MCM3AP: variants seen among roughly 807,000 people sequenced by gnomAD.
MCM3AP encodes the protein minichromosome maintenance complex component 3 associated protein.
A neutral mutation model predicts 184.1 loss-of-function variants in MCM3AP; 126 were observed. That is an observed-to-expected ratio of 0.68 (90% CI 0.59 to 0.79). The LOEUF is 0.79. MCM3AP is among the 30% of genes least tolerant of loss of function. MCM3AP has a pLI of 0.00. For synonymous variants in MCM3AP, 1,002 were observed against 979.3 expected (o/e 1.02, Z -0.43); for missense variants, 2,496 against 2,479.2 (o/e 1.01, Z -0.14).
At chr21:46,257,878 T>TTGCGCCAC (rs1480468122) in intron 16 of MCM3AP, among the ~76,000 whole-genome samples, 1 of 150,780 alleles carries the variant, frequency 6.6e-6, no homozygotes, top group Non-Finnish European at 1.5e-5. Flanking sequence ...TGAGCTGTGA[T>TTGCGCCAC]TGCGCCACTG....
At chr21:46,282,729 C>T (rs1483236810) in intron 2 of MCM3AP, among the ~76,000 whole-genome samples, 2 of 151,140 alleles carry the variant, frequency 1.3e-5, no homozygotes, top group African/African-American at 4.9e-5. Flanking sequence ...GGCGTGAACC[C>T]GGGAAGTGGA....
chr21:46,284,626 C>T lies in MCM3AP; in HGVS notation c.661G>A (p.Ala221Thr). The change falls in exon 1 of 28, where the codon GCC becomes ACC. Residue 221 changes from alanine (A) to threonine (T), a missense_variant. Ala to Thr is a moderately conservative substitution (Grantham distance 58). Transcript: ENST00000291688. Reference protein sequence around the residue: ...KPVSSNNSLSAFTPALSNQNV... With the variant: ...KPVSSNNSLSTFTPALSNQNV... ...TGGTTTGACAAAGCAGGGGTAAAGG[C>T]AGATAATGAATTATTACTACTAACA... 6.2e-7 allele frequency: 1 copy of T among 1,614,164 alleles called. No homozygotes were observed. Among genetic ancestry groups the T allele is most frequent in the African/African-American group, 1.3e-5 (1 of 75,034 alleles).
chr21:46,265,272 C>T (rs375475676), intron 12 of MCM3AP, 49 bp downstream of exon 12: 14 of 1,567,980 alleles, frequency 8.9e-6, no homozygotes, highest in Admixed American at 6.8e-5. Context: ...AGGACGTTTG[C>T]GCACAATGGG....
intron 26 of MCM3AP, among the ~76,000 whole-genome samples, chr21:46,239,208 C>T (rs1171331943): frequency 6.6e-6 from 1 of 152,208 alleles, no homozygotes; most frequent in East Asian, 1.9e-4. Context: ...GGGCCCTGGC[C>T]ACCCCTGCAA....
intron 17 of MCM3AP, among the ~76,000 whole-genome samples, chr21:46,255,980 G>A (rs567739165): frequency 9.0e-4 from 137 of 152,296 alleles, no homozygotes; most frequent in Middle Eastern, 3.4e-3. Context: ...CACTGCCGGC[G>A]CAGAACCTGA....
intron 20 of MCM3AP, among the ~76,000 whole-genome samples, chr21:46,247,859 G>A (rs2080801839): frequency 6.6e-6 from 1 of 151,848 alleles, no homozygotes; most frequent in Non-Finnish European, 1.5e-5. Context: ...CAGCACTTGG[G>A]GAGGCCAAGG....
chr21:46,241,610 G>C (rs1234441465), intron 25 of MCM3AP: 1 of 152,894 alleles, frequency 6.5e-6, no homozygotes, highest in Non-Finnish European at 1.5e-5. Flanking sequence ...GAGCTTTACT[G>C]TATGTCTTGG....
intron 23 of MCM3AP, 108 bp from the exon 24 acceptor site, chr21:46,243,830 T>TGTGTTTAGAAAGCAGAC: frequency 8.6e-7 from 1 of 1,159,680 alleles, no homozygotes; most frequent in Non-Finnish European, 1.2e-6. Context: ...AGAAGTCTGC[T>TGTGTTTAGAAAGCAGAC]TTCTAAACAC....
At chr21:46,280,830 G>C (rs1012604559) in intron 2 of MCM3AP, among the ~76,000 whole-genome samples, 3 of 150,146 alleles carry the variant, frequency 2.0e-5, no homozygotes, top group African/African-American at 7.3e-5. Context: ...TTTTGAGACA[G>C]AGTCTCGCTC....
intron 17 of MCM3AP, 66 bp from the exon 18 acceptor site, chr21:46,254,910 C>T: frequency 8.6e-7 from 1 of 1,169,384 alleles, no homozygotes; most frequent in South Asian, 1.2e-5. Flanking sequence ...GCTAGTGTCC[C>T]CTGGGGAATA....
At position 46,284,383 on chromosome 21, in the gene MCM3AP, T is replaced by G; in HGVS notation, c.904A>C (p.Arg302=). 1 of 1,614,194 alleles carries G rather than the reference T, an allele frequency of 6.2e-7. No individual in the cohort carries two copies. The highest frequency in any genetic ancestry group is 8.5e-7 in the Non-Finnish European group (1 of 1,180,040). The part of the protein sequence containing the change: ...KRKEDQDRSP[R]RHGHEPAEDS... ...TCTGCTGGCTCGTGGCCATGTCTCC[T>G]TGGGGAGCGATCCTGGTCCTCCTTC... Residue 302 remains arginine (R), a synonymous_variant, in exon 1 of 28, where the codon AGG becomes CGG. Coordinates refer to ENST00000291688, the MANE Select transcript of MCM3AP (RefSeq NM_003906.5).
chr21:46,253,092 T>C (rs1039466903), intron 19 of MCM3AP: 1 of 152,202 alleles, frequency 6.6e-6, no homozygotes, highest in Non-Finnish European at 1.5e-5. Flanking sequence ...TGAGCTGTTA[T>C]CACACCACTG....
At position 46,245,162 on chromosome 21, in the gene MCM3AP, G is replaced by A. The variant is rs761716731; in HGVS notation, c.4683C>T (p.Cys1561=). Residue 1561 remains cysteine, a synonymous_variant, in exon 23 of 28, where the codon TGC becomes TGT. Coordinates refer to ENST00000291688, the MANE Select transcript of MCM3AP (RefSeq NM_003906.5). The stretch of plus-strand genomic sequence containing the variant: ...GGCAGCAGAGGTCAAGGGAATGGGG[G>A]CAGTGGGAAACCAGCCACTGCACTG... ...LQAVQWLVSH[C]PHSLDLCCQT... is the part of the protein sequence containing the mutation. 1.9e-6 allele frequency: 3 copies of A among 1,613,728 alleles called. No individual in the cohort carries two copies. The highest frequency in any genetic ancestry group is 3.3e-5 in the Admixed American group (2 of 59,944).
chr21:46,266,188 C>G (rs764846899), intron 10 of MCM3AP, 22 bp from the exon 11 acceptor site: 1 of 1,580,730 alleles, frequency 6.3e-7, no homozygotes, highest in Non-Finnish European at 8.6e-7. Context: ...ACAAAAGACC[C>G]CCGAGGGGTG....
chr21:46,243,520 C>T lies in MCM3AP; in HGVS notation c.5241G>A (p.Leu1747=). The part of the protein sequence containing the change: ...MEIPWDDLIA[L]CINHKLRDWT... ...AGTCTCTCAGCTTGTGGTTGATACA[C>T]AAGGCGATAAGATCATCCCATGGGA... The change falls in exon 24 of 28, where the codon TTG becomes TTA. Residue 1747 remains leucine, a synonymous_variant. Coordinates refer to ENST00000291688, the MANE Select transcript of MCM3AP (RefSeq NM_003906.5). The T allele has an allele frequency of 1.2e-6, 2 of 1,614,186 alleles. 1 individual carries two copies. Among genetic ancestry groups the T allele is most frequent in the South Asian group, 2.2e-5 (2 of 91,084 alleles).
Position 46,272,809 on chromosome 21 carries a change from G to A in MCM3AP, c.2217C>T (p.Leu739=). The stretch of plus-strand genomic sequence containing the variant: ...TCAGGGACACCGTCAGGGGGTCACA[G>A]AGGTGCTGCTGCGTGATATCCTGGC... ...GIRKDITQQH[L]CDPLTVSLIE... is the part of the protein sequence containing the mutation. The change falls in exon 8 of 28, where the codon CTC becomes CTT. Residue 739 remains leucine (L), a synonymous_variant. Coordinates refer to ENST00000291688, the MANE Select transcript of MCM3AP (RefSeq NM_003906.5). The A allele has an allele frequency of 6.2e-7, 1 of 1,601,984 alleles. No individual in the cohort carries two copies. Among genetic ancestry groups the A allele is most frequent in the Non-Finnish European group, 8.5e-7 (1 of 1,172,936 alleles).
At chr21:46,249,632 C>A (rs2080837489) in intron 20 of MCM3AP, 2 of 450,468 alleles carry the variant, frequency 4.4e-6, no homozygotes, top group Non-Finnish European at 8.9e-6. Context: ...GGAAAAGACT[C>A]AGAAAATTCC....
At chr21:46,256,646 T>C (rs1298050514) in intron 17 of MCM3AP, 143 bp downstream of exon 17, 2 of 1,016,272 alleles carry the variant, frequency 2.0e-6, no homozygotes, top group South Asian at 1.7e-5. Context: ...ACCCTGTGCC[T>C]GTCCTCGCCT....
At position 46,260,736 on chromosome 21, in the gene MCM3AP, T is replaced by C. The variant is rs113833743; in HGVS notation, c.3581+57A>G. 1.2e-4 allele frequency: 148 copies of C among 1,248,058 alleles called. No individual in the cohort carries two copies. The African/African-American group carries it at 1.8e-3, about 15-fold the overall frequency. 77.3% of individuals were successfully genotyped at this position (1,248,058 alleles called of 1,614,324 possible). On this transcript the variant is annotated intron_variant, in intron 15 of 27. Transcript: ENST00000291688. ...ATCCTCAGTGGTGCAAGACACAGCC[T>C]AGGGCAGAGCCAAAGCTCACTCTCC...
Sources: gnomAD v4.1 joint callset for allele counts (sites outside exome capture counted in the v4.1 genomes callset) on GRCh38, gnomAD v4.1.1 for gene constraint, MANE v1.5 for transcripts, NCBI Gene and HGNC (gene_info 2026-07-23, HGNC 2026-07-21) for gene names.